ADGRL3: variants seen among roughly 807,000 people sequenced by gnomAD.
The protein encoded by ADGRL3 is calcium-independent alpha-latrotoxin receptor 3.
Under a neutral mutation model 153.5 loss-of-function variants are expected in ADGRL3, and 62 were observed. The ratio of observed to expected loss-of-function variants is 0.40; its 90% CI spans 0.33 to 0.50. The LOEUF (loss-of-function observed/expected upper bound fraction) is 0.50, where lower values mean the gene tolerates loss of function less well. ADGRL3 is among the 20% of genes least tolerant of loss of function. ADGRL3 has a pLI of 0.47. For missense variants in ADGRL3, 1,641 were observed against 1,859.4 expected (o/e 0.88, Z 2.16); for synonymous variants, 710 against 672.5 (o/e 1.06, Z -0.86).
intron 1 of ADGRL3, among the ~76,000 whole-genome samples, chr4:61,370,927 A>C (rs1048170513): frequency 1.3e-5 from 2 of 150,112 alleles, no homozygotes; most frequent in African/African-American, 4.9e-5. Context: ...TATTGGGTGC[A>C]TATATATTTA....
chr4:61,523,472 T>C (rs2098542590), intron 4 of ADGRL3, among the ~76,000 whole-genome samples: 1 of 152,106 alleles, frequency 6.6e-6, no homozygotes, highest in Admixed American at 6.6e-5. Flanking sequence ...TTCAGTGAGG[T>C]TTGCCATTTT....
chr4:62,070,948 C>T lies in ADGRL3; in HGVS notation c.*40C>T, dbSNP rs896643010. ...ATTGGAACCAACAAAACTGCTAACA[C>T]CTTGTTGACTGTTCTGAGTTGATAT... is the stretch of plus-strand genomic sequence containing the variant. On this transcript the variant is annotated 3_prime_UTR_variant, in exon 27 of 27. Transcript: ENST00000683033. The T allele has an allele frequency of 2.7e-6, 4 of 1,459,788 alleles. No homozygotes were observed. Among genetic ancestry groups the T allele is most frequent in the Middle Eastern group, 1.8e-4 (1 of 5,636 alleles). The allele number at this position is 1,459,788 out of a possible 1,614,324, so 90.4% of individuals were successfully genotyped here.
intron 1 of ADGRL3, among the ~76,000 whole-genome samples, chr4:61,329,006 A>G (rs547477098): frequency 7.5e-4 from 114 of 152,262 alleles, no homozygotes; most frequent in African/African-American, 2.6e-3. Context: ...AGGACTGTCA[A>G]GTGGCCTGAA....
intron 13 of ADGRL3, among the ~76,000 whole-genome samples, chr4:61,913,734 G>A (rs115407078): frequency 0.011 from 1,678 of 151,944 alleles, 27 homozygotes; most frequent in African/African-American, 0.038. Context: ...CGCTATCCTC[G>A]GTAGTACAGA....
intron 1 of ADGRL3, among the ~76,000 whole-genome samples, chr4:61,236,564 A>G (rs1164897912): frequency 6.6e-6 from 1 of 152,044 alleles, no homozygotes. Context: ...TGTTATTCTA[A>G]TAAGATTTTT....
chr4:61,205,228 T>TAA (rs1195089019), intron 1 of ADGRL3, among the ~76,000 whole-genome samples: 3 of 152,186 alleles, frequency 2.0e-5, no homozygotes, highest in Non-Finnish European at 2.9e-5. Flanking sequence ...CCACTTTAAG[T>TAA]GTTGGTTGAA....
rs963309550 is a variant in ADGRL3 at position 61,419,330 on chromosome 4, A to G, written c.-174+36141A>G. 1.1e-4 allele frequency among the ~76,000 whole-genome samples: 17 copies of G among 150,864 alleles called. 1 individual carries two copies. The highest frequency in any genetic ancestry group is 3.9e-4 in the African/African-American group (16 of 40,680). Reference sequence around the variant, plus strand: ...TAACATTGAAATAAATGTGAGCTCTATATACATTTAAGAAAGAATAATGAA... The same window carrying G: ...TAACATTGAAATAAATGTGAGCTCTGTATACATTTAAGAAAGAATAATGAA... On this transcript the variant is annotated intron_variant, in intron 2 of 26. Transcript: ENST00000683033.
intron 13 of ADGRL3, among the ~76,000 whole-genome samples, chr4:61,916,299 A>T (rs111918993): frequency 0.015 from 2,239 of 152,278 alleles, 55 homozygotes; most frequent in African/African-American, 0.05. Context: ...TTGTGTTGAG[A>T]ATCACAAGAT....
chr4:61,817,157 C>T (rs905778459), intron 9 of ADGRL3, among the ~76,000 whole-genome samples: 1 of 149,556 alleles, frequency 6.7e-6, no homozygotes, highest in Non-Finnish European at 1.5e-5. Context: ...AGACCCCCCC[C>T]CCCCCACCAA....
chr4:61,215,171 C>T (rs1742069689), intron 1 of ADGRL3, among the ~76,000 whole-genome samples: 1 of 152,134 alleles, frequency 6.6e-6, no homozygotes, highest in Non-Finnish European at 1.5e-5. Flanking sequence ...ACATTTCTAG[C>T]AGTCAGAGTG....
intron 8 of ADGRL3, among the ~76,000 whole-genome samples, chr4:61,763,573 C>G (rs533147812): frequency 5.3e-5 from 8 of 152,200 alleles, no homozygotes; most frequent in African/African-American, 1.9e-4. Flanking sequence ...TAGGTATATG[C>G]TATTTCCTCA....
At chr4:61,605,644 T>A (rs1184494585) in intron 5 of ADGRL3, among the ~76,000 whole-genome samples, 1 of 152,222 alleles carries the variant, frequency 6.6e-6, no homozygotes, top group African/African-American at 2.4e-5. Context: ...AAACTTAACA[T>A]ATAAGAGAAA....
chr4:61,388,225 T>C (rs544911752), intron 2 of ADGRL3, among the ~76,000 whole-genome samples: 1 of 152,272 alleles, frequency 6.6e-6, no homozygotes, highest in African/African-American at 2.4e-5. Context: ...TTTGCTTCAC[T>C]TTCCTCACCT....
chr4:61,515,028 G>T (rs540708529), intron 3 of ADGRL3, among the ~76,000 whole-genome samples: 6 of 151,844 alleles, frequency 4.0e-5, no homozygotes, highest in Admixed American at 1.3e-4. Context: ...CTATTCCCAC[G>T]TCCCTGTCCT....
rs17226249 is a variant in ADGRL3 at position 61,700,675 on chromosome 4, C to A, written c.583+23740C>A. On this transcript the variant is annotated intron_variant, in intron 6 of 26. Coordinates refer to ENST00000683033, the MANE Select transcript of ADGRL3 (RefSeq NM_001387552.1). ...GAAAAGTCGGTAACTGAATTTTGAG[C>A]CATAGTGATTGTACAGTGGTGATAT... Among the ~76,000 whole-genome samples, 1,365 of 152,108 alleles carry A rather than the reference C, an allele frequency of 9.0e-3. 21 individuals carry two copies. Among genetic ancestry groups the A allele is most frequent in the South Asian group, 0.06 (291 of 4,816 alleles).
intron 1 of ADGRL3, among the ~76,000 whole-genome samples, chr4:61,342,996 A>G (rs765439810): frequency 3.3e-5 from 5 of 152,212 alleles, no homozygotes; most frequent in Non-Finnish European, 7.3e-5. Flanking sequence ...ATGGCAGCAG[A>G]CAAAGAGAGA....
chr4:61,273,552 A>G (rs2093310564), intron 1 of ADGRL3, among the ~76,000 whole-genome samples: 1 of 152,190 alleles, frequency 6.6e-6, no homozygotes, highest in African/African-American at 2.4e-5. Context: ...TCTGTTTCCT[A>G]GCCAACGTTA....
At chr4:61,218,648 G>A (rs1029852301) in intron 1 of ADGRL3, among the ~76,000 whole-genome samples, 4 of 152,120 alleles carry the variant, frequency 2.6e-5, no homozygotes, top group African/African-American at 9.7e-5. Context: ...ATGCGACACA[G>A]TTAAACACAA....
At chr4:61,802,888 A>AT (rs1389941235) in intron 8 of ADGRL3, among the ~76,000 whole-genome samples, 3 of 152,142 alleles carry the variant, frequency 2.0e-5, no homozygotes, top group Admixed American at 1.3e-4. Context: ...CCAAAATATG[A>AT]TTTTTAAAAG....
Sources: gnomAD v4.1 joint callset for allele counts (sites outside exome capture counted in the v4.1 genomes callset) on GRCh38, gnomAD v4.1.1 for gene constraint, MANE v1.5 for transcripts, NCBI Gene and HGNC (gene_info 2026-07-23, HGNC 2026-07-21) for gene names.